SLCO6A1: variants seen among roughly 807,000 people sequenced by gnomAD.
The protein encoded by SLCO6A1 is solute carrier organic anion transporter family member 6A1.
SLCO6A1 carries 65 observed loss-of-function variants against 72.7 expected under a neutral mutation model. That is an observed-to-expected ratio of 0.89 (90% confidence interval 0.73 to 1.10). The LOEUF (loss-of-function observed/expected upper bound fraction) is 1.10. SLCO6A1 is among the 50% of genes least tolerant of loss of function. The probability of loss-of-function intolerance (pLI) is 0.00; values close to 1 mark genes in which losing one functional copy is unlikely to be tolerated. For missense variants in SLCO6A1, 874 were observed against 872.6 expected, an observed-to-expected ratio of 1.00 and a Z score of -0.02; for synonymous variants, 314 against 298.2, an observed-to-expected ratio of 1.05 and a Z score of -0.55.
chr5:102,488,747 C>T (rs1251098911), intron 1 of SLCO6A1, among the ~76,000 whole-genome samples: 1 of 152,156 alleles, frequency 6.6e-6, no homozygotes, highest in Non-Finnish European at 1.5e-5. Context: ...TTTGCACTGG[C>T]AACAAGGTCA....
rs138684904 is a variant in SLCO6A1 at position 102,481,146 on chromosome 5, A to G, written c.359-712T>C. ...TCCAAATGGTTACTAATCAAAATTCATGATATCTATGCAACCAAAGTTACT... is the reference window on the plus strand; with the variant it reads ...TCCAAATGGTTACTAATCAAAATTCGTGATATCTATGCAACCAAAGTTACT... On this transcript the variant is annotated intron_variant, in intron 1 of 13. Transcript: ENST00000506729. Among the ~76,000 whole-genome samples the G allele has an allele frequency of 8.3e-3, 1,262 of 152,344 alleles. 12 individuals are homozygous for G. Among genetic ancestry groups the G allele is most frequent in the Non-Finnish European group, 0.015 (1,010 of 68,034 alleles).
At position 102,389,452 on chromosome 5, in the gene SLCO6A1, A is replaced by G. The variant is rs7728162; in HGVS notation, c.1880-627T>C. On this transcript the variant is annotated intron_variant, in intron 11 of 13. Coordinates refer to ENST00000506729, the MANE Select transcript of SLCO6A1 (RefSeq NM_173488.5). The stretch of plus-strand genomic sequence containing the variant: ...TGAACAGTCACACACCCCGCCCCCC[A>G]CCCCCACACACACAGAGTTGCCCCC... Among the ~76,000 whole-genome samples the G allele has an allele frequency of 2.0e-3, 117 of 58,082 alleles. 5 individuals carry two copies. Among genetic ancestry groups the G allele is most frequent in the African/African-American group, 8.1e-3 (112 of 13,812 alleles). The allele number at this position is 58,082 out of a possible 152,430, so 38.1% of individuals were successfully genotyped here.
chr5:102,427,204 C>T (rs560076315), intron 7 of SLCO6A1, among the ~76,000 whole-genome samples: 8 of 151,960 alleles, frequency 5.3e-5, no homozygotes, highest in East Asian at 3.9e-4. Context: ...GGATGACCTT[C>T]AGACTAGAGA....
chr5:102,395,676 A>G (rs1231988915), intron 10 of SLCO6A1, among the ~76,000 whole-genome samples: 1 of 152,084 alleles, frequency 6.6e-6, no homozygotes, highest in African/African-American at 2.4e-5. Flanking sequence ...AAGTGTTGCT[A>G]TTTCTCCACA....
In SLCO6A1 at chr5:102,373,452, G is replaced by T; in HGVS notation, c.2060C>A (p.Ala687Glu). 6.4e-7 allele frequency: 1 copy of T among 1,569,486 alleles called. No homozygotes were observed. The highest frequency in any genetic ancestry group is 1.2e-5 in the South Asian group (1 of 81,782). ...KLCTIIFTTIAFFIYKRRLNE... is the reference protein window; with the variant it reads ...KLCTIIFTTIEFFIYKRRLNE... The stretch of plus-strand genomic sequence containing the variant: ...TAGACGACGTTTGTATATGAAAAAT[G>T]CAATAGTAGTGAAGATGATAGTGCA... Residue 687 changes from alanine to glutamate, a missense_variant, in exon 13 of 14, where the codon GCA becomes GAA. Transcript: ENST00000506729.
chr5:102,434,004 C>A (rs1285730341), intron 7 of SLCO6A1, among the ~76,000 whole-genome samples: 1 of 151,962 alleles, frequency 6.6e-6, no homozygotes, highest in Non-Finnish European at 1.5e-5. Context: ...CTTTTCATGT[C>A]CCCATATTTA....
At chr5:102,373,878 A>G (rs1745628560) in intron 12 of SLCO6A1, among the ~76,000 whole-genome samples, 1 of 152,190 alleles carries the variant, frequency 6.6e-6, no homozygotes, top group South Asian at 2.1e-4. Flanking sequence ...CAAATAAAAC[A>G]AATATTACAG....
intron 4 of SLCO6A1, among the ~76,000 whole-genome samples, chr5:102,465,234 C>G (rs1012558143): frequency 3.3e-5 from 5 of 152,026 alleles, no homozygotes; most frequent in Admixed American, 6.6e-5. Flanking sequence ...GCCCAGTTCT[C>G]AGAGAGCAGG....
intron 1 of SLCO6A1, among the ~76,000 whole-genome samples, chr5:102,493,375 A>G (rs564590052): frequency 2.0e-5 from 3 of 152,346 alleles, no homozygotes; most frequent in African/African-American, 7.2e-5. Context: ...AATATATCAT[A>G]TTAATACAAC....
intron 1 of SLCO6A1, among the ~76,000 whole-genome samples, chr5:102,485,400 C>G (rs1275381460): frequency 6.6e-6 from 1 of 152,110 alleles, no homozygotes; most frequent in Admixed American, 6.5e-5. Context: ...TTTTATATGG[C>G]AGAGGCCTTG....
chr5:102,421,042 G>A (rs1236381616), intron 7 of SLCO6A1, among the ~76,000 whole-genome samples: 1 of 152,076 alleles, frequency 6.6e-6, no homozygotes, highest in African/African-American at 2.4e-5. Flanking sequence ...CCTAGCCAAG[G>A]GAAGCTGTGA....
intron 6 of SLCO6A1, among the ~76,000 whole-genome samples, chr5:102,456,591 C>T (rs372622404): frequency 1.1e-4 from 16 of 152,028 alleles, no homozygotes; most frequent in African/African-American, 2.2e-4. Context: ...CACTGCTCAA[C>T]GAAATAAAAG....
chr5:102,426,391 G>C (rs1748894435), intron 7 of SLCO6A1, among the ~76,000 whole-genome samples: 2 of 151,982 alleles, frequency 1.3e-5, no homozygotes, highest in Non-Finnish European at 2.9e-5. Flanking sequence ...CTAATATCCA[G>C]AATCTACAAG....
chr5:102,372,684 A>G (rs985100075), intron 13 of SLCO6A1, among the ~76,000 whole-genome samples: 2 of 145,792 alleles, frequency 1.4e-5, no homozygotes, highest in African/African-American at 2.5e-5. Context: ...AGTGAAGGTA[A>G]AAAAAAAAAG....
chr5:102,497,757 T>C (rs1363052699), intron 1 of SLCO6A1, among the ~76,000 whole-genome samples: 2 of 152,198 alleles, frequency 1.3e-5, no homozygotes, highest in Non-Finnish European at 2.9e-5. Flanking sequence ...TGAAACAAAA[T>C]TGATAATAGC....
At chr5:102,393,706 T>G (rs968084406) in intron 10 of SLCO6A1, among the ~76,000 whole-genome samples, 1 of 152,144 alleles carries the variant, frequency 6.6e-6, no homozygotes, top group East Asian at 1.9e-4. Context: ...TGTTCCTCTT[T>G]TATTCCACTT....
chr5:102,481,331 C>T (rs538458807), intron 1 of SLCO6A1, among the ~76,000 whole-genome samples: 1 of 152,138 alleles, frequency 6.6e-6, no homozygotes, highest in Admixed American at 6.6e-5. Flanking sequence ...CCCATGGGCT[C>T]TATAGTGCTG....
intron 12 of SLCO6A1, among the ~76,000 whole-genome samples, chr5:102,381,114 G>A (rs115650027): frequency 0.018 from 2,732 of 151,658 alleles, 79 homozygotes; most frequent in African/African-American, 0.062. Flanking sequence ...TATTCCCTTG[G>A]CAATTTTCAA....
At chr5:102,479,100 A>G (rs915485781) in intron 2 of SLCO6A1, among the ~76,000 whole-genome samples, 4 of 152,108 alleles carry the variant, frequency 2.6e-5, no homozygotes, top group Non-Finnish European at 5.9e-5. Flanking sequence ...TGTAATTCCC[A>G]ATGTTGCGGG....
Sources: allele counts gnomAD v4.1 joint callset (sites outside exome capture counted in the v4.1 genomes callset), GRCh38; gene constraint gnomAD v4.1.1; transcripts MANE v1.5; gene names NCBI Gene and HGNC (gene_info 2026-07-23, HGNC 2026-07-21).